The following C5 variants were observed in gnomAD, a reference collection of about 807,000 sequenced individuals.
C5 encodes C3 and PZP-like alpha-2-macroglobulin domain-containing protein 4.
In C5, 140 loss-of-function variants were observed where a neutral mutation model predicts 218.8. That is an observed-to-expected ratio of 0.64 (90% CI 0.56 to 0.74). C5 has a LOEUF of 0.74. Ranked by LOEUF, C5 falls within the 30% of genes least tolerant of loss-of-function variation. The pLI, the probability that C5 is intolerant of heterozygous loss-of-function variation, is 0.00. For synonymous variants in C5, 614 were observed against 682.3 expected (o/e 0.90, Z 1.56); for missense variants, 1,700 against 1,969.6 (o/e 0.86, Z 2.59).
At chr9:120,961,180 G>T (rs2046824664) in intron 37 of C5, among the ~76,000 whole-genome samples, 1 of 152,094 alleles carries the variant, frequency 6.6e-6, no homozygotes, top group African/African-American at 2.4e-5. Context: ...TGAGCCTCTT[G>T]TCTTATATGA....
At chr9:121,042,782 G>A (rs1206730210) in intron 3 of C5, among the ~76,000 whole-genome samples, 1 of 152,154 alleles carries the variant, frequency 6.6e-6, no homozygotes, top group Non-Finnish European at 1.5e-5. Flanking sequence ...GGCAGGTAAT[G>A]TAATTGTTGG....
At chr9:121,054,601 AAAATAAAT>A (rs1227909844), upstream of C5, among the ~76,000 whole-genome samples, 6 of 152,198 alleles carry the variant, frequency 3.9e-5, no homozygotes, top group African/African-American at 1.4e-4. Flanking sequence ...ACGCTGCCTC[AAAATAAAT>A]AAATAAATAA....
At chr9:121,006,852 T>C in intron 19 of C5, 52 bp downstream of exon 19, 2 of 1,191,344 alleles carry the variant, frequency 1.7e-6, no homozygotes, top group Non-Finnish European at 1.3e-6. Context: ...AAGAATTACA[T>C]CTTGCTAATC....
chr9:121,036,020 A>G (rs550576574), intron 4 of C5, among the ~76,000 whole-genome samples: 1 of 152,182 alleles, frequency 6.6e-6, no homozygotes, highest in South Asian at 2.1e-4. Context: ...ACTGCACTCC[A>G]GCCTTGGTGA....
chr9:121,002,316 G>GTGTGTGTGTGTGTATATATA (rs572345213), intron 20 of C5, among the ~76,000 whole-genome samples: 1,042 of 87,282 alleles, frequency 0.012, 57 homozygotes, highest in South Asian at 0.021. Context: ...ATATGTGTGT[G>GTGTGTGTGTGTGTATATATA]TATATATATA....
At chr9:120,972,991 T>C (rs1452451780) in intron 30 of C5, among the ~76,000 whole-genome samples, 2 of 152,126 alleles carry the variant, frequency 1.3e-5, no homozygotes, top group Non-Finnish European at 2.9e-5. Flanking sequence ...CTGCCCCTTT[T>C]CACACCCAGA....
chr9:121,016,405 T>G, intron 14 of C5, 22 bp from the exon 15 acceptor site: 2 of 1,613,708 alleles, frequency 1.2e-6, no homozygotes, highest in Non-Finnish European at 1.7e-6. Flanking sequence ...GGCAAAATGT[T>G]GAGCACATTG....
chr9:121,010,602 C>T (rs773230513), intron 17 of C5, among the ~76,000 whole-genome samples: 1 of 152,040 alleles, frequency 6.6e-6, no homozygotes, highest in African/African-American at 2.4e-5. Context: ...TATGAAAACA[C>T]CAATAACATT....
At chr9:121,036,348 C>A (rs546244891) in intron 4 of C5, among the ~76,000 whole-genome samples, 42 of 152,252 alleles carry the variant, frequency 2.8e-4, no homozygotes, top group African/African-American at 9.9e-4. Context: ...CTTTCTCAAT[C>A]TTTTCTTCCT....
chr9:121,004,724 G>A (rs1233633186), intron 20 of C5, among the ~76,000 whole-genome samples: 1 of 151,832 alleles, frequency 6.6e-6, no homozygotes, highest in Non-Finnish European at 1.5e-5. Flanking sequence ...AGTGAGCGGA[G>A]ATCGCACCAC....
intron 37 of C5, among the ~76,000 whole-genome samples, chr9:120,960,711 T>C (rs1196575382): frequency 1.3e-5 from 2 of 152,214 alleles, no homozygotes; most frequent in Non-Finnish European, 2.9e-5. Context: ...GTTAGCGTAT[T>C]TTATGTATGG....
At position 121,017,679 on chromosome 9, in the gene C5, C is replaced by T. The variant is rs867527050; in HGVS notation, c.1680G>A (p.Trp560Ter). 5.0e-6 allele frequency: 8 copies of T among 1,613,588 alleles called. No individual in the cohort carries two copies. Among genetic ancestry groups the T allele is most frequent in the Admixed American group, 1.7e-5 (1 of 59,996 alleles). ...QTAELVSDSV[W>*]LNIEEKCGNQ... is the part of the protein sequence containing the mutation. ...TGCCACATTTTTCTTCAATATTTAA[C>T]CAGACTGAATCAGACACTAATTCTG... Residue 560 changes from tryptophan to a stop codon, truncating the protein, a stop_gained, in exon 13 of 41, where the codon TGG (tryptophan) becomes TGA (stop). Transcript: ENST00000223642. LOFTEE classifies it high-confidence loss of function.
chr9:121,006,938 G>T lies in C5; in HGVS notation c.2388C>A (p.Thr796=). Residue 796 remains threonine (T), a synonymous_variant, in exon 19 of 41, where the codon ACC becomes ACA. Transcript: ENST00000223642. ...AAATGCCAACGCCTTGAATTTCCCAGGTGGTTAGAGAATCAGGTAGGGCAA... is the reference window on the plus strand; with the variant it reads ...AAATGCCAACGCCTTGAATTTCCCATGTGGTTAGAGAATCAGGTAGGGCAA... ...LQFALPDSLT[T]WEIQGVGISN... The T allele has an allele frequency of 1.2e-6, 2 of 1,612,852 alleles. No homozygotes were observed. Among genetic ancestry groups the T allele is most frequent in the Non-Finnish European group, 1.7e-6 (2 of 1,178,932 alleles).
intron 26 of C5, 96 bp from the exon 27 acceptor site, chr9:120,982,035 G>T (rs2046998160): frequency 3.6e-6 from 3 of 829,652 alleles, no homozygotes. Context: ...TGTTTGAGAT[G>T]GAGTCTCACT....
chr9:121,024,213 CGGGAGGGGAGGGAGGGAGGGGAG>C (rs2047392540), intron 9 of C5, among the ~76,000 whole-genome samples: 1 of 67,622 alleles, frequency 1.5e-5, no homozygotes, highest in Non-Finnish European at 2.9e-5. Context: ...GAGCAAGACT[CGGGAGGGGAGGGAGGGAGGGGAG>C]GGGAGGGGGG....
the C5 span, among the ~76,000 whole-genome samples, chr9:121,065,074 A>AATAT: frequency 6.7e-6 from 1 of 150,346 alleles, no homozygotes; most frequent in African/African-American, 2.5e-5. Context: ...CATCTAAAAA[A>AATAT]ATATATATAT....
intron 25 of C5, among the ~76,000 whole-genome samples, chr9:120,988,829 A>G (rs572681260): frequency 6.6e-6 from 1 of 152,304 alleles, no homozygotes; most frequent in African/African-American, 2.4e-5. Context: ...GTCTTGGAAC[A>G]GGATAGTGTG....
chr9:121,067,566 T>TAAA, the C5 span, among the ~76,000 whole-genome samples: 2 of 121,608 alleles, frequency 1.6e-5, no homozygotes, highest in Admixed American at 1.7e-4. Context: ...AGGCTCCATC[T>TAAA]AAAAAAAAAA....
In C5 at chr9:120,976,727, C is replaced by T; in HGVS notation, c.3837G>A (p.Arg1279=). The change falls in exon 29 of 41, where the codon AGG becomes AGA. Residue 1279 remains arginine, a synonymous_variant. Transcript: ENST00000223642. ...GGGTTGAATAAAAGCCACCTCCATACCTCTGCTCTTCTGATAGCCATTTGA... is the reference window on the plus strand; with the variant it reads ...GGGTTGAATAAAAGCCACCTCCATATCTCTGCTCTTCTGATAGCCATTTGA... ...PVIKWLSEEQ[R]YGGGFYSTQD... is the part of the protein sequence containing the mutation. 1 of 1,614,086 alleles carries T rather than the reference C, an allele frequency of 6.2e-7. No individual in the cohort carries two copies. The highest frequency in any genetic ancestry group is 1.6e-4 in the Middle Eastern group (1 of 6,062).
Sources: allele counts gnomAD v4.1 joint callset (sites outside exome capture counted in the v4.1 genomes callset), GRCh38; gene constraint gnomAD v4.1.1; transcripts MANE v1.5; gene names NCBI Gene and HGNC (gene_info 2026-07-23, HGNC 2026-07-21).